CHN1: variants seen among roughly 807,000 people sequenced by gnomAD.
CHN1 encodes the protein chimerin 1, also known as N-chimaerin.
Under a neutral mutation model 59.5 loss-of-function variants are expected in CHN1, and 37 were observed. That is an observed-to-expected ratio of 0.62 (90% confidence interval 0.48 to 0.82). The LOEUF is 0.82. CHN1 is among the 40% of genes least tolerant of loss of function. The pLI is 0.00. For missense variants in CHN1, 469 were observed against 571.0 expected, an observed-to-expected ratio of 0.82 and a Z score of 1.82; for synonymous variants, 206 against 200.4, an observed-to-expected ratio of 1.03 and a Z score of -0.24.
At chr2:174,805,431 CTA>C (rs1386065192) in intron 11 of CHN1, among the ~76,000 whole-genome samples, 3 of 152,220 alleles carry the variant, frequency 2.0e-5, no homozygotes, top group African/African-American at 7.2e-5. Context: ...AAGTAAGGGA[CTA>C]TCACAGGTAC....
intron 6 of CHN1, among the ~76,000 whole-genome samples, chr2:174,856,202 G>T (rs780490298): frequency 1.2e-4 from 18 of 151,988 alleles, no homozygotes; most frequent in Non-Finnish European, 2.1e-4. Flanking sequence ...AAATTATGTT[G>T]GGATAAATAA....
chr2:174,944,377 C>T (rs1172347334), intron 3 of CHN1, among the ~76,000 whole-genome samples: 1 of 152,122 alleles, frequency 6.6e-6, no homozygotes, highest in African/African-American at 2.4e-5. Context: ...TAACTTTTGC[C>T]AATCTGCAAA....
intron 3 of CHN1, chr2:174,921,135 C>A: frequency 3.1e-6 from 1 of 323,694 alleles, no homozygotes; most frequent in Non-Finnish European, 6.9e-6. Context: ...TCACCTCCTG[C>A]TGTGCAGCCT....
chr2:174,858,914 T>A (rs1264399293), intron 6 of CHN1, among the ~76,000 whole-genome samples: 1 of 151,036 alleles, frequency 6.6e-6, no homozygotes, highest in East Asian at 1.9e-4. Context: ...GATTAAAGGA[T>A]GATTAATATC....
At chr2:174,985,870 C>T (rs1691323011) in intron 1 of CHN1, among the ~76,000 whole-genome samples, 1 of 152,136 alleles carries the variant, frequency 6.6e-6, no homozygotes. Context: ...ACAGAGGAAA[C>T]AAGTTGGCAA....
At chr2:174,902,068 A>G (rs1431316839) in intron 5 of CHN1, among the ~76,000 whole-genome samples, 2 of 152,206 alleles carry the variant, frequency 1.3e-5, no homozygotes, top group Non-Finnish European at 2.9e-5. Context: ...CACAGTTTTA[A>G]CAGTGATTAT....
At chr2:174,989,789 CAAA>C (rs770863562) in intron 1 of CHN1, among the ~76,000 whole-genome samples, 1 of 127,040 alleles carries the variant, frequency 7.9e-6, no homozygotes. Context: ...AACCCTGTCT[CAAA>C]AAAAAAAAAA....
intron 1 of CHN1, among the ~76,000 whole-genome samples, chr2:174,959,028 A>G (rs1023861971): frequency 2.0e-5 from 3 of 152,196 alleles, no homozygotes; most frequent in African/African-American, 7.2e-5. Flanking sequence ...ATATTAGGGG[A>G]AAAGTTTGAA....
chr2:174,934,882 C>G (rs1689451561), intron 3 of CHN1, among the ~76,000 whole-genome samples: 1 of 152,200 alleles, frequency 6.6e-6, no homozygotes, highest in Non-Finnish European at 1.5e-5. Flanking sequence ...CTTGACTATT[C>G]TCAGAACCAG....
rs74967647 is a variant in CHN1, at chr2:174,815,084, T to A, written c.713-2602A>T. ...CTGAGGCTCAGTTCACTTTTTAAAA[T>A]CTATTTTCTAAGCCAAGCATAGTGG... On this transcript the variant is annotated intron_variant, in intron 8 of 12. Coordinates refer to ENST00000409900, the MANE Select transcript of CHN1 (RefSeq NM_001822.7). 2.5e-3 allele frequency among the ~76,000 whole-genome samples: 381 copies of A among 152,276 alleles called. 5 individuals carry two copies. Among genetic ancestry groups the A allele is most frequent in the African/African-American group, 8.4e-3 (350 of 41,530 alleles).
At chr2:174,849,165 T>A (rs990562568) in intron 6 of CHN1, among the ~76,000 whole-genome samples, 1 of 152,168 alleles carries the variant, frequency 6.6e-6, no homozygotes, top group South Asian at 2.1e-4. Flanking sequence ...TTGATCAACA[T>A]CCTATTTTAT....
chr2:174,884,630 T>C (rs1381037284), intron 5 of CHN1, among the ~76,000 whole-genome samples: 2 of 152,214 alleles, frequency 1.3e-5, no homozygotes, highest in Non-Finnish European at 2.9e-5. Context: ...AGACAATGTG[T>C]GTGATTATAT....
In CHN1 at chr2:174,878,032, A is replaced by G; in HGVS notation, c.357T>C (p.Asp119=). 1 of 1,613,898 alleles carries G rather than the reference A, an allele frequency of 6.2e-7. No homozygotes were observed. Among genetic ancestry groups the G allele is most frequent in the Non-Finnish European group, 8.5e-7 (1 of 1,179,814 alleles). ...TTTCAATATAGAGAGTAATCAAGCC[A>G]TCAGTCACCAGATCGTGGATGGACT... ...RFESIHDLVT[D]GLITLYIETK... The change falls in exon 6 of 13, where the codon GAT becomes GAC. Residue 119 remains aspartate (D), a synonymous_variant. Coordinates refer to ENST00000409900, the MANE Select transcript of CHN1 (RefSeq NM_001822.7).
chr2:174,893,667 G>A (rs778290173), intron 5 of CHN1, among the ~76,000 whole-genome samples: 4 of 152,032 alleles, frequency 2.6e-5, no homozygotes, highest in Non-Finnish European at 5.9e-5. Context: ...GACCACAAAT[G>A]GCCAAAACGA....
chr2:174,904,619 C>A (rs1343662207), intron 5 of CHN1, among the ~76,000 whole-genome samples: 1 of 152,156 alleles, frequency 6.6e-6, no homozygotes, highest in African/African-American at 2.4e-5. Context: ...AACTCCCAAC[C>A]TCAGGTGATC....
chr2:174,885,974 T>C (rs143034826), intron 5 of CHN1, among the ~76,000 whole-genome samples: 14 of 152,350 alleles, frequency 9.2e-5, no homozygotes, highest in African/African-American at 2.6e-4. Context: ...GTTTGAATAA[T>C]AGACTTGGCA....
At chr2:174,909,833 T>C (rs1044373615) in intron 5 of CHN1, among the ~76,000 whole-genome samples, 1 of 152,230 alleles carries the variant, frequency 6.6e-6, no homozygotes, top group Non-Finnish European at 1.5e-5. Flanking sequence ...GGATAAAGAA[T>C]ATGATTCTTG....
At chr2:174,996,107 C>T (rs562471937) in intron 1 of CHN1, among the ~76,000 whole-genome samples, 9 of 152,244 alleles carry the variant, frequency 5.9e-5, no homozygotes, top group East Asian at 3.9e-4. Flanking sequence ...GGAATGTATC[C>T]GCTGAGGATA....
At chr2:174,955,499 G>A (rs1336264163) in intron 1 of CHN1, among the ~76,000 whole-genome samples, 3 of 151,848 alleles carry the variant, frequency 2.0e-5, no homozygotes, top group Non-Finnish European at 4.4e-5. Flanking sequence ...AGGATGGACG[G>A]GGAGAGGAAT....
Sources: allele counts gnomAD v4.1 joint callset (sites outside exome capture counted in the v4.1 genomes callset), GRCh38; gene constraint gnomAD v4.1.1; transcripts MANE v1.5; gene names NCBI Gene and HGNC (gene_info 2026-07-23, HGNC 2026-07-21).